Variants in KCNMA1 observed in about 807,000 individuals in gnomAD.
KCNMA1 encodes the protein Calcium-activated potassium channel subunit alpha-1.
KCNMA1 carries 29 observed loss-of-function variants against 140.0 expected under a neutral mutation model. The ratio of observed to expected loss-of-function variants is 0.21; its 90% CI spans 0.15 to 0.28. The LOEUF is 0.28. Ranked by LOEUF, KCNMA1 falls within the 10% of genes least tolerant of loss-of-function variation. KCNMA1 has a pLI of 1.00. For missense variants in KCNMA1, 880 were observed against 1,602.2 expected (o/e 0.55, Z 7.70); for synonymous variants, 612 against 611.9 (o/e 1.00, Z 0.00).
At chr10:77,495,018 G>T (rs1276738368) in intron 1 of KCNMA1, among the ~76,000 whole-genome samples, 3 of 152,146 alleles carry the variant, frequency 2.0e-5, no homozygotes, top group Non-Finnish European at 1.5e-5. Flanking sequence ...CCACGCTAAT[G>T]ATCTCATCTT....
intron 19 of KCNMA1, among the ~76,000 whole-genome samples, chr10:76,972,401 G>A (rs1056467721): frequency 6.6e-6 from 1 of 152,134 alleles, no homozygotes; most frequent in African/African-American, 2.4e-5. Context: ...ATCCTCCCTA[G>A]CATGCCTGTG....
At chr10:77,526,287 A>C (rs1295056544) in intron 1 of KCNMA1, among the ~76,000 whole-genome samples, 1 of 152,186 alleles carries the variant, frequency 6.6e-6, no homozygotes, top group African/African-American at 2.4e-5. Flanking sequence ...TGTCTAAGCC[A>C]ATTTGAGTCA....
chr10:77,254,638 A>G (rs943115817), intron 2 of KCNMA1, among the ~76,000 whole-genome samples: 4 of 152,228 alleles, frequency 2.6e-5, no homozygotes, highest in Non-Finnish European at 5.9e-5. Context: ...TATTGCCTAG[A>G]TGGATCATTA....
rs993284052 is a variant in KCNMA1 at position 77,135,846 on chromosome 10, T to C, written c.809-14798A>G. Among the ~76,000 whole-genome samples the C allele has an allele frequency of 3.3e-5, 5 of 152,190 alleles. No individual in the cohort carries two copies. In the East Asian group the frequency reaches 5.8e-4, roughly 18 times the overall value. Reference sequence around the variant, plus strand: ...GGTTGGGTAGATGTTGGTCAAAGGATACAAAATTTCAGTTAAATAAGAGAA... The same window carrying C: ...GGTTGGGTAGATGTTGGTCAAAGGACACAAAATTTCAGTTAAATAAGAGAA... On this transcript the variant is annotated intron_variant, in intron 5 of 27. Transcript: ENST00000286628.
chr10:77,429,865 A>G (rs1442391713), intron 1 of KCNMA1, among the ~76,000 whole-genome samples: 11 of 152,168 alleles, frequency 7.2e-5, no homozygotes, highest in Admixed American at 7.2e-4. Context: ...GAGGAACTGA[A>G]GCAATAAGCA....
intron 2 of KCNMA1, among the ~76,000 whole-genome samples, chr10:77,335,176 CT>C (rs2088398004): frequency 6.6e-6 from 1 of 152,164 alleles, no homozygotes; most frequent in Non-Finnish European, 1.5e-5. Context: ...CGTCCTCATC[CT>C]TATGGAAGCA....
chr10:77,201,834 A>C (rs1400984221), intron 3 of KCNMA1, among the ~76,000 whole-genome samples: 1 of 152,192 alleles, frequency 6.6e-6, no homozygotes, highest in Non-Finnish European at 1.5e-5. Flanking sequence ...CAAAAAAAAA[A>C]AAGTGCTTGT....
chr10:77,092,445 T>C (rs560574163), intron 9 of KCNMA1, among the ~76,000 whole-genome samples: 1 of 152,178 alleles, frequency 6.6e-6, no homozygotes, highest in Non-Finnish European at 1.5e-5. Context: ...TAGGGCTACT[T>C]TGCCATTCTA....
Position 77,584,244 on chromosome 10 carries a change from C to A in KCNMA1, c.378+53021G>T, listed in dbSNP as rs116475898. Among the ~76,000 whole-genome samples, 724 of 152,300 alleles carry A rather than the reference C, an allele frequency of 4.8e-3. 7 individuals carry two copies. The highest frequency in any genetic ancestry group is 0.025 in the South Asian group (121 of 4,826). On this transcript the variant is annotated intron_variant, in intron 1 of 27. Transcript: ENST00000286628. ...GGGGCCTTGGTATTCACTACCCACT[C>A]GTCCTCCCCTAGCAACAAGCACCAA...
chr10:77,090,775 C>T, intron 9 of KCNMA1: 1 of 547,008 alleles, frequency 1.8e-6, no homozygotes. Context: ...ACTGTTTGGC[C>T]AAGTGGTTTT....
intron 20 of KCNMA1, among the ~76,000 whole-genome samples, chr10:76,965,896 C>T (rs1440060625): frequency 6.6e-6 from 1 of 152,192 alleles, no homozygotes; most frequent in Non-Finnish European, 1.5e-5. Flanking sequence ...AGACCTCCTC[C>T]TAAACCAGGC....
chr10:77,068,989 A>T (rs2096074476), intron 14 of KCNMA1, among the ~76,000 whole-genome samples: 1 of 152,046 alleles, frequency 6.6e-6, no homozygotes, highest in Non-Finnish European at 1.5e-5. Flanking sequence ...TTGAAACCTC[A>T]TACGCTGAAG....
At chr10:77,387,039 G>A (rs1480323229) in intron 2 of KCNMA1, among the ~76,000 whole-genome samples, 2 of 152,200 alleles carry the variant, frequency 1.3e-5, no homozygotes, top group East Asian at 3.8e-4. Context: ...ACCCGGGAGT[G>A]GGCTGAGGGG....
intron 25 of KCNMA1, 56 bp from the exon 26 acceptor site, chr10:76,891,775 T>C: frequency 7.0e-7 from 1 of 1,425,234 alleles, no homozygotes; most frequent in Non-Finnish European, 9.9e-7. Context: ...CCTAAAGTCA[T>C]GACAGCCGAC....
intron 19 of KCNMA1, among the ~76,000 whole-genome samples, chr10:76,974,794 T>C (rs1049592714): frequency 1.3e-5 from 2 of 152,198 alleles, no homozygotes; most frequent in African/African-American, 2.4e-5. Context: ...ATAATACTTC[T>C]GGAAATTCAG....
chr10:77,509,571 C>A (rs916037147), intron 1 of KCNMA1, among the ~76,000 whole-genome samples: 2 of 152,186 alleles, frequency 1.3e-5, no homozygotes, highest in Non-Finnish European at 2.9e-5. Flanking sequence ...AACTGCCATA[C>A]TGTTTTCCAC....
chr10:77,015,793 T>TG (rs752873390), intron 17 of KCNMA1, among the ~76,000 whole-genome samples: 3 of 152,022 alleles, frequency 2.0e-5, no homozygotes, highest in African/African-American at 4.8e-5. Context: ...CCCAATTCAT[T>TG]GGGGGGTTCT....
At chr10:76,999,031 A>C (rs1386686348) in intron 19 of KCNMA1, among the ~76,000 whole-genome samples, 1 of 152,238 alleles carries the variant, frequency 6.6e-6, no homozygotes, top group Non-Finnish European at 1.5e-5. Flanking sequence ...TTAAGGCTTC[A>C]ACACGCAGCC....
intron 5 of KCNMA1, among the ~76,000 whole-genome samples, chr10:77,142,121 A>G (rs2098186541): frequency 6.6e-6 from 1 of 152,176 alleles, no homozygotes; most frequent in Non-Finnish European, 1.5e-5. Context: ...TAATCCCAGC[A>G]CTTTGGGAGG....
Sources: gnomAD v4.1 joint callset for allele counts (sites outside exome capture counted in the v4.1 genomes callset) on GRCh38, gnomAD v4.1.1 for gene constraint, MANE v1.5 for transcripts, NCBI Gene and HGNC (gene_info 2026-07-23, HGNC 2026-07-21) for gene names.